Variants in C7 observed in about 807,000 individuals in gnomAD.
The protein encoded by C7 is complement component C7.
Under a neutral mutation model 104.8 loss-of-function variants are expected in C7, and 83 were observed. The observed-to-expected ratio is 0.79, with a 90% CI of 0.66 to 0.95. The LOEUF (loss-of-function observed/expected upper bound fraction) is 0.95, where lower values mean the gene tolerates loss of function less well. C7 is among the 40% of genes least tolerant of loss of function. The pLI, the probability that C7 is intolerant of heterozygous loss-of-function variation, is 0.00. For synonymous variants in C7, 415 were observed against 360.6 expected (o/e 1.15, Z -1.71); for missense variants, 1,070 against 1,011.2 (o/e 1.06, Z -0.79).
intron 3 of C7, among the ~76,000 whole-genome samples, chr5:40,932,235 G>A (rs1401781830): frequency 6.6e-6 from 1 of 151,994 alleles, no homozygotes; most frequent in Non-Finnish European, 1.5e-5. Context: ...TATAACAGCA[G>A]TATTATGTTC....
intron 5 of C7, 23 bp downstream of exon 5, chr5:40,936,508 G>A: frequency 6.3e-7 from 1 of 1,597,676 alleles, no homozygotes; most frequent in Non-Finnish European, 8.5e-7. Context: ...GCAGCCTCCT[G>A]AGTACATCAG....
intron 10 of C7, among the ~76,000 whole-genome samples, chr5:40,957,540 C>T (rs1740316189): frequency 6.6e-6 from 1 of 152,080 alleles, no homozygotes; most frequent in African/African-American, 2.4e-5. Context: ...AGCGCAACCT[C>T]CACCTCCCAG....
intron 9 of C7, among the ~76,000 whole-genome samples, chr5:40,950,514 C>G (rs909532272): frequency 6.6e-6 from 1 of 152,138 alleles, no homozygotes; most frequent in Non-Finnish European, 1.5e-5. Flanking sequence ...CTAACCTCTA[C>G]TCCAGTCTTC....
At chr5:40,964,020 C>CTTA (rs1740487746) in intron 13 of C7, among the ~76,000 whole-genome samples, 1 of 39,862 alleles carries the variant, frequency 2.5e-5, no homozygotes, top group South Asian at 1.6e-3. Context: ...GCTCATAATA[C>CTTA]TTTTTTTTTT....
Position 40,945,181 on chromosome 5 carries a change from T to G in C7, c.568-17T>G. ...GCATTAATTTAGTCATAGCAAAATT[T>G]TTCATTTTCTTTGTAGGTGAAAATA... On this transcript the variant is annotated splice_polypyrimidine_tract_variant and intron_variant, in intron 6 of 17. Coordinates refer to ENST00000313164, the MANE Select transcript of C7 (RefSeq NM_000587.4). 2.2e-6 allele frequency: 3 copies of G among 1,361,726 alleles called. No individual in the cohort carries two copies. The highest frequency in any genetic ancestry group is 3.0e-6 in the Non-Finnish European group (3 of 1,001,126). 84.4% of individuals were successfully genotyped at this position (1,361,726 alleles called of 1,614,324 possible).
Position 40,934,440 on chromosome 5 carries a change from G to A in C7, c.254G>A (p.Cys85Tyr). 6.2e-7 allele frequency: 1 copy of A among 1,613,804 alleles called. No individual in the cohort carries two copies. The highest frequency in any genetic ancestry group is 8.5e-7 in the Non-Finnish European group (1 of 1,179,708). The change falls in exon 4 of 18, where the codon TGT (cysteine) becomes TAT (tyrosine). Residue 85 changes from cysteine (C) to tyrosine (Y), a missense_variant. Transcript: ENST00000313164. ...PTRGCPTEEG[C>Y]GERFRCFSGQ... Reference sequence around the variant, plus strand: ...AGAGGATGTCCAACAGAGGAGGGATGTGGAGAGCGTTTCAGGTGCTTTTCA... The same window carrying A: ...AGAGGATGTCCAACAGAGGAGGGATATGGAGAGCGTTTCAGGTGCTTTTCA...
chr5:40,958,882 G>A (rs1014971826), intron 11 of C7, among the ~76,000 whole-genome samples: 1 of 152,084 alleles, frequency 6.6e-6, no homozygotes, highest in Non-Finnish European at 1.5e-5. Context: ...TATTCCCAGA[G>A]CTTGACAAAA....
At chr5:40,966,485 T>C (rs2111689280) in intron 14 of C7, among the ~76,000 whole-genome samples, 1 of 152,008 alleles carries the variant, frequency 6.6e-6, no homozygotes, top group South Asian at 2.1e-4. Flanking sequence ...TTCAAACAAT[T>C]CTCCTGCCTC....
chr5:40,945,919 G>A (rs1463285917), intron 7 of C7, among the ~76,000 whole-genome samples: 4 of 132,064 alleles, frequency 3.0e-5, no homozygotes, highest in Admixed American at 7.8e-5. Flanking sequence ...TGTATATTTA[G>A]TTATAGTTTT....
At chr5:40,912,744 A>C (rs1210529065) in intron 1 of C7, among the ~76,000 whole-genome samples, 1 of 152,220 alleles carries the variant, frequency 6.6e-6, no homozygotes, top group Non-Finnish European at 1.5e-5. Flanking sequence ...AAGGCCAAGA[A>C]CAAGTACTCA....
intron 14 of C7, among the ~76,000 whole-genome samples, chr5:40,971,017 GCTATT>G: frequency 6.6e-6 from 1 of 152,146 alleles, no homozygotes; most frequent in South Asian, 2.1e-4. Flanking sequence ...CCAAGTCTTT[GCTATT>G]GTAAGTAGTG....
intron 14 of C7, among the ~76,000 whole-genome samples, chr5:40,971,753 T>C (rs1470408067): frequency 6.6e-6 from 1 of 152,198 alleles, no homozygotes; most frequent in Non-Finnish European, 1.5e-5. Flanking sequence ...CATCTTGAGT[T>C]AATTTTTGTA....
intron 1 of C7, among the ~76,000 whole-genome samples, chr5:40,916,705 A>T (rs966383902): frequency 7.9e-5 from 12 of 151,196 alleles, no homozygotes; most frequent in Non-Finnish European, 1.5e-4. Flanking sequence ...CCAAATTTTT[A>T]TTTTTTTTTT....
At chr5:40,926,480 T>A (rs565264715) in intron 1 of C7, among the ~76,000 whole-genome samples, 2 of 152,314 alleles carry the variant, frequency 1.3e-5, no homozygotes, top group Admixed American at 1.3e-4. Context: ...TGAAAATGCC[T>A]GTGTTTGCTG....
chr5:40,917,666 G>A (rs547449599), intron 1 of C7, among the ~76,000 whole-genome samples: 2 of 152,108 alleles, frequency 1.3e-5, no homozygotes, highest in Admixed American at 6.5e-5. Flanking sequence ...TGAATCATAT[G>A]CTTGTTCTAT....
At chr5:40,961,920 A>G (rs1177770441) in intron 12 of C7, among the ~76,000 whole-genome samples, 165 bp from the exon 13 acceptor site, 1 of 152,184 alleles carries the variant, frequency 6.6e-6, no homozygotes, top group Non-Finnish European at 1.5e-5. Flanking sequence ...GTTTTCTACC[A>G]CAGGATGTAA....
intron 14 of C7, among the ~76,000 whole-genome samples, chr5:40,971,482 A>G (rs1740696270): frequency 6.6e-6 from 1 of 152,180 alleles, no homozygotes; most frequent in South Asian, 2.1e-4. Context: ...GATTCTGGAT[A>G]TTAGCCCTTT....
At chr5:40,952,616 G>A (rs963611151) in intron 9 of C7, among the ~76,000 whole-genome samples, 2 of 151,926 alleles carry the variant, frequency 1.3e-5, no homozygotes, top group African/African-American at 2.4e-5. Context: ...TTTACATTAG[G>A]TATATCTCCT....
At chr5:40,959,332 G>A (rs1295193439) in intron 11 of C7, 117 bp from the exon 12 acceptor site, 10 of 867,720 alleles carry the variant, frequency 1.2e-5, no homozygotes, top group Admixed American at 5.3e-5. Flanking sequence ...GAAGAGTGAA[G>A]GTAATCAATA....
Sources: gnomAD v4.1 joint callset for allele counts (sites outside exome capture counted in the v4.1 genomes callset) on GRCh38, gnomAD v4.1.1 for gene constraint, MANE v1.5 for transcripts, NCBI Gene and HGNC (gene_info 2026-07-23, HGNC 2026-07-21) for gene names.